The following NMT1 variants were observed in gnomAD, a reference collection of about 807,000 sequenced individuals.
The protein encoded by NMT1 is N-myristoyltransferase 1, also known as glycylpeptide N-tetradecanoyltransferase 1.
Under a neutral mutation model 63.4 loss-of-function variants are expected in NMT1, and 12 were observed. The ratio of observed to expected loss-of-function variants is 0.19; its 90% confidence interval spans 0.12 to 0.31. The LOEUF is 0.31. Ranked by LOEUF, NMT1 falls within the 10% of genes least tolerant of loss-of-function variation. The pLI is 1.00. For synonymous variants in NMT1, 228 were observed against 234.3 expected (o/e 0.97, Z 0.25); for missense variants, 432 against 634.6 (o/e 0.68, Z 3.43).
At chr17:45,084,201 TTGAA>T (rs1489164132) in intron 2 of NMT1, among the ~76,000 whole-genome samples, 8 of 152,272 alleles carry the variant, frequency 5.3e-5, no homozygotes, top group Admixed American at 3.3e-4. Context: ...TTTAAAATAA[TTGAA>T]TGAATAGGCA....
chr17:45,091,881 C>T (rs572452357), intron 3 of NMT1, among the ~76,000 whole-genome samples: 2 of 152,148 alleles, frequency 1.3e-5, no homozygotes, highest in South Asian at 4.2e-4. Flanking sequence ...ATTAGCCAGG[C>T]GTAGTGGCGC....
rs2143529620 is a variant in NMT1 at position 45,106,729 on chromosome 17, T to C, written c.*1090T>C. 6.5e-6 allele frequency: 1 copy of C among 152,844 alleles called. No homozygotes were observed. The highest frequency in any genetic ancestry group is 1.5e-5 in the Non-Finnish European group (1 of 68,072). 9.5% of individuals were successfully genotyped at this position (152,844 alleles called of 1,614,324 possible). On this transcript the variant is annotated 3_prime_UTR_variant, in exon 12 of 12. Transcript: ENST00000258960. ...TTCCAACCCATTAGCCATTTCTTGT[T>C]GTGCCCCTTTCCAAGATACAGCCTG... is the stretch of plus-strand genomic sequence containing the variant.
At chr17:45,085,697 AC>A (rs909860173) in intron 2 of NMT1, among the ~76,000 whole-genome samples, 1 of 152,082 alleles carries the variant, frequency 6.6e-6, no homozygotes, top group Non-Finnish European at 1.5e-5. Context: ...AAGGGGAGAA[AC>A]CCTGCGGGCA....
chr17:45,101,406 C>T (rs1340139632), intron 8 of NMT1, among the ~76,000 whole-genome samples: 2 of 150,642 alleles, frequency 1.3e-5, no homozygotes, highest in Non-Finnish European at 3.0e-5. Context: ...GGGTGGATCA[C>T]GAGGTCAAGA....
chr17:45,081,694 AAAAAAAG>A lies in NMT1; in HGVS notation c.185_191del (p.Lys62ArgfsTer16). ...GGAGCCAAAAAGAAGAAAAAGAAAC[AAAAAAAG>A]AAGAAAGAAAAAGGCAGTGAGACAG... is the stretch of plus-strand genomic sequence containing the variant. On this transcript the variant is annotated frameshift_variant, in exon 2 of 12. Coordinates refer to ENST00000258960, the MANE Select transcript of NMT1 (RefSeq NM_021079.5). LOFTEE classifies it high-confidence loss of function. The A allele has an allele frequency of 6.2e-7, 1 of 1,612,468 alleles. No individual in the cohort carries two copies. The highest frequency in any genetic ancestry group is 8.5e-7 in the Non-Finnish European group (1 of 1,179,066).
chr17:45,061,432 A>T lies in NMT1; in HGVS notation c.103A>T (p.Asn35Tyr), dbSNP rs2053855942. The change falls in exon 1 of 12, where the codon AAT becomes TAT. Residue 35 changes from asparagine to tyrosine, a missense_variant. Around this residue, in one of 4 missense-constraint regions of NMT1, gnomAD observed 121 missense variants for 103.7 expected, o/e 1.17. Transcript: ENST00000258960. ...CCATGAGCACTGCAGCGATTGCGAGAATGAGGAGGACAACAGCTACAACCG... is the reference window on the plus strand; with the variant it reads ...CCATGAGCACTGCAGCGATTGCGAGTATGAGGAGGACAACAGCTACAACCG... Reference protein sequence around the residue: ...NGHEHCSDCENEEDNSYNRGG... With the variant: ...NGHEHCSDCEYEEDNSYNRGG... The T allele has an allele frequency of 1.2e-6, 2 of 1,613,638 alleles. No individual in the cohort carries two copies. Among genetic ancestry groups the T allele is most frequent in the South Asian group, 2.2e-5 (2 of 91,018 alleles).
Position 45,061,472 on chromosome 17 carries a change from C to T in NMT1, c.131+12C>T. The T allele has an allele frequency of 6.2e-7, 1 of 1,610,088 alleles. No homozygotes were observed. The highest frequency in any genetic ancestry group is 8.5e-7 in the Non-Finnish European group (1 of 1,178,256). On this transcript the variant is annotated intron_variant, in intron 1 of 11. Coordinates refer to ENST00000258960, the MANE Select transcript of NMT1 (RefSeq NM_021079.5). Reference sequence around the variant, plus strand: ...AGCTACAACCGGGGGTAACGAAATCCTCGGAGTCCAATTCCCGTCCAGCCT... The same window carrying T: ...AGCTACAACCGGGGGTAACGAAATCTTCGGAGTCCAATTCCCGTCCAGCCT...
chr17:45,078,161 A>G (rs1264739349), intron 1 of NMT1, among the ~76,000 whole-genome samples: 1 of 152,162 alleles, frequency 6.6e-6, no homozygotes, highest in Non-Finnish European at 1.5e-5. Context: ...TAAGTGGGAA[A>G]TGAGGGTGAT....
chr17:45,085,226 C>G (rs2054044474), intron 2 of NMT1, among the ~76,000 whole-genome samples: 1 of 152,104 alleles, frequency 6.6e-6, no homozygotes, highest in African/African-American at 2.4e-5. Flanking sequence ...GCACTCCAGC[C>G]TGGGCAACAG....
intron 1 of NMT1, among the ~76,000 whole-genome samples, chr17:45,067,833 C>T (rs1285433794): frequency 6.6e-6 from 1 of 152,176 alleles, no homozygotes; most frequent in Non-Finnish European, 1.5e-5. Flanking sequence ...GACTGGAAAG[C>T]AGAAGAAATG....
rs926371390 is a variant in NMT1, at chr17:45,108,339, T to G, written c.*2700T>G. ...GGATCGAGGCCTGTATAGGGCTCGT[T>G]TCCCCACACATGCCTATTTCTGAAG... is the stretch of plus-strand genomic sequence containing the variant. On this transcript the variant is annotated 3_prime_UTR_variant, in exon 12 of 12. Coordinates refer to ENST00000258960, the MANE Select transcript of NMT1 (RefSeq NM_021079.5). 2.4e-4 allele frequency: 36 copies of G among 152,222 alleles called. No homozygotes were observed. The highest frequency in any genetic ancestry group is 8.7e-4 in the African/African-American group (36 of 41,450). 9.4% of individuals were successfully genotyped at this position (152,222 alleles called of 1,614,324 possible).
intron 4 of NMT1, 89 bp from the exon 5 acceptor site, chr17:45,096,105 T>A: frequency 1.0e-6 from 1 of 970,282 alleles, no homozygotes; most frequent in Non-Finnish European, 1.6e-6. Context: ...GTTTGCTTCA[T>A]CCTTCTGAAA....
At chr17:45,081,162 T>C (rs1485924597) in intron 1 of NMT1, among the ~76,000 whole-genome samples, 1 of 152,184 alleles carries the variant, frequency 6.6e-6, no homozygotes, top group East Asian at 1.9e-4. Flanking sequence ...TTTCATACTG[T>C]CTTGTGCTCC....
chr17:45,091,777 G>A (rs1405902027), intron 3 of NMT1, among the ~76,000 whole-genome samples: 1 of 152,180 alleles, frequency 6.6e-6, no homozygotes, highest in African/African-American at 2.4e-5. Flanking sequence ...TATAATCCCA[G>A]CATTTTGGGA....
intron 1 of NMT1, among the ~76,000 whole-genome samples, chr17:45,067,088 A>C (rs537409703): frequency 6.6e-6 from 1 of 151,606 alleles, no homozygotes; most frequent in East Asian, 1.9e-4. Flanking sequence ...ATCCTGAACA[A>C]TTGAGAGGAG....
At chr17:45,067,739 G>C (rs951152188) in intron 1 of NMT1, among the ~76,000 whole-genome samples, 1 of 152,102 alleles carries the variant, frequency 6.6e-6, no homozygotes, top group African/African-American at 2.4e-5. Context: ...CCTCATCACT[G>C]ATATCAAATA....
rs371356326 is a variant in NMT1, at chr17:45,088,098, G to A, written c.385+1446G>A. ...AAGCTGAGGAGGTGCATCCCCACGG[G>A]TGAGGGAGAGCAGAGCACTGCCCAG... On this transcript the variant is annotated intron_variant, in intron 3 of 11. Coordinates refer to ENST00000258960, the MANE Select transcript of NMT1 (RefSeq NM_021079.5). Among the ~76,000 whole-genome samples the A allele has an allele frequency of 5.9e-5, 9 of 152,344 alleles. No homozygotes were observed. In the East Asian group the frequency reaches 1.4e-3, roughly 23 times the overall value.
intron 4 of NMT1, 76 bp from the exon 5 acceptor site, chr17:45,096,118 C>A: frequency 9.1e-7 from 1 of 1,104,214 alleles, no homozygotes; most frequent in Non-Finnish European, 1.4e-6. Flanking sequence ...TTCTGAAAAG[C>A]CTAGAGCCCC....
At chr17:45,061,638 C>T (rs776540808) in intron 1 of NMT1, 178 bp downstream of exon 1, 2 of 587,636 alleles carry the variant, frequency 3.4e-6, no homozygotes, top group Admixed American at 3.4e-5. Context: ...GGTGGGTGCT[C>T]TGGATATTAA....
Sources: gnomAD v4.1 joint callset for allele counts (sites outside exome capture counted in the v4.1 genomes callset) on GRCh38, gnomAD v4.1.1 for gene constraint, gnomAD v4.1.1 regional missense constraint, MANE v1.5 for transcripts, NCBI Gene and HGNC (gene_info 2026-07-23, HGNC 2026-07-21) for gene names.